Variants in CHRNB3 observed in about 807,000 individuals in gnomAD.
The protein encoded by CHRNB3 is cholinergic receptor nicotinic beta 3 subunit, also known as neuronal acetylcholine receptor subunit beta-3.
A neutral mutation model predicts 40.6 loss-of-function variants in CHRNB3; 37 were observed. That is an observed-to-expected ratio of 0.91 (90% CI 0.70 to 1.20). The LOEUF (loss-of-function observed/expected upper bound fraction) is 1.20, where lower values mean the gene tolerates loss of function less well. CHRNB3 is among the 50% of genes most tolerant of loss of function. The pLI, the probability that CHRNB3 is intolerant of heterozygous loss-of-function variation, is 0.00. For synonymous variants in CHRNB3, 207 were observed against 207.1 expected (o/e 1.00, Z 0.00); for missense variants, 505 against 551.2 (o/e 0.92, Z 0.84).
rs76545213 is a variant in CHRNB3 at position 42,732,410 on chromosome 8, T to A, written c.1103T>A (p.Val368Glu). 62 of 1,613,840 alleles carry A rather than the reference T, an allele frequency of 3.8e-5. 1 individual carries two copies. The Admixed American group carries it at 4.8e-4, about 13-fold the overall frequency. The change falls in exon 5 of 6, where the codon GTG (valine) becomes GAG (glutamate). Residue 368 changes from valine to glutamate, a missense_variant. Transcript: ENST00000289957. Reference sequence around the variant, plus strand: ...GAGAAAGAGGAGAGTCAACCAGTAGTGAAAGGCAAAGTCCTCGAAAAAAAG... The same window carrying A: ...GAGAAAGAGGAGAGTCAACCAGTAGAGAAAGGCAAAGTCCTCGAAAAAAAG... Reference protein sequence around the residue: ...SPEKEESQPVVKGKVLEKKKQ... With the variant: ...SPEKEESQPVEKGKVLEKKKQ...
intron 3 of CHRNB3, among the ~76,000 whole-genome samples, chr8:42,715,897 G>C (rs115367020): frequency 0.014 from 2,156 of 151,680 alleles, 57 homozygotes; most frequent in African/African-American, 0.049. Context: ...TACTGCTCCA[G>C]TCCCTCAGAT....
At chr8:42,708,358 C>T (rs1223180125) in intron 1 of CHRNB3, among the ~76,000 whole-genome samples, 2 of 151,978 alleles carry the variant, frequency 1.3e-5, no homozygotes, top group South Asian at 2.1e-4. Context: ...CCCAGGTACT[C>T]GAGAGGCTGA....
In CHRNB3 at chr8:42,711,025, T is replaced by C. The variant is rs1224947570; in HGVS notation, c.249+591T>C. 3.3e-5 allele frequency among the ~76,000 whole-genome samples: 5 copies of C among 152,356 alleles called. No individual in the cohort carries two copies. The East Asian group carries it at 7.7e-4, about 24-fold the overall frequency. ...GTTTTCAGCTTTCTTCTTAGATAAT[T>C]GCTTTTAGCTTGGCTAGAGCTTATT... is the stretch of plus-strand genomic sequence containing the variant. On this transcript the variant is annotated intron_variant, in intron 3 of 5. Coordinates refer to ENST00000289957, the MANE Select transcript of CHRNB3 (RefSeq NM_000749.5).
chr8:42,698,989 G>A (rs1345776736), intron 1 of CHRNB3, among the ~76,000 whole-genome samples: 4 of 152,196 alleles, frequency 2.6e-5, no homozygotes, highest in Admixed American at 2.0e-4. Flanking sequence ...TGGGAAGATT[G>A]TGTAATCTTT....
At position 42,703,435 on chromosome 8, in the gene CHRNB3, A is replaced by AAAAAAAAAAATATATATATAT; in HGVS notation, c.53-5281_53-5280insAAAAAAAAATATATATATATA. Among the ~76,000 whole-genome samples, 141 of 47,342 alleles carry AAAAAAAAAAATATATATATAT rather than the reference A, an allele frequency of 3.0e-3. 29 individuals carry two copies. Among genetic ancestry groups the AAAAAAAAAAATATATATATAT allele is most frequent in the South Asian group, 5.3e-3 (6 of 1,134 alleles). 31.1% of individuals were successfully genotyped at this position (47,342 alleles called of 152,430 possible). The stretch of plus-strand genomic sequence containing the variant: ...CAAGACTTCGTCTAAAAAAAAAAAA[A>AAAAAAAAAAATATATATATAT]ATATTTATATATATATATATATATA... On this transcript the variant is annotated intron_variant, in intron 1 of 5. Coordinates refer to ENST00000289957, the MANE Select transcript of CHRNB3 (RefSeq NM_000749.5).
rs1030096140 is a variant in CHRNB3 at position 42,731,081 on chromosome 8, TAAATAAATAAA to T, written c.359+386_359+396del. On this transcript the variant is annotated intron_variant, in intron 4 of 5. Transcript: ENST00000289957. ...AAAAATAAATAAATAAATAAATAAATAAATAAATAAAAAATAAAAAGTGAAAAAAAGGAAAG... is the reference window on the plus strand; with the variant it reads ...AAAAATAAATAAATAAATAAATAAATAAATAAAAAGTGAAAAAAAGGAAAG... 1.5e-5 allele frequency among the ~76,000 whole-genome samples: 2 copies of T among 130,818 alleles called. 1 individual carries two copies. The highest frequency in any genetic ancestry group is 6.2e-5 in the African/African-American group (2 of 32,398). The allele number at this position is 130,818 out of a possible 152,430, so 85.8% of individuals were successfully genotyped here.
intron 3 of CHRNB3, among the ~76,000 whole-genome samples, chr8:42,724,506 C>G (rs1816272037): frequency 6.6e-6 from 1 of 152,110 alleles, no homozygotes; most frequent in African/African-American, 2.4e-5. Flanking sequence ...CCAGGAATCT[C>G]CAGATTCAAT....
intron 3 of CHRNB3, among the ~76,000 whole-genome samples, chr8:42,719,691 C>CT (rs1441980596): frequency 6.6e-6 from 1 of 152,102 alleles, no homozygotes; most frequent in Non-Finnish European, 1.5e-5. Context: ...ATGGGAATCT[C>CT]AGGGAGAACG....
intron 3 of CHRNB3, among the ~76,000 whole-genome samples, chr8:42,712,286 C>A (rs1018823615): frequency 5.3e-5 from 8 of 152,190 alleles, no homozygotes; most frequent in African/African-American, 1.9e-4. Flanking sequence ...AGCCACCGCA[C>A]CCACCCTAAG....
intron 1 of CHRNB3, among the ~76,000 whole-genome samples, chr8:42,699,882 CTTTT>C (rs576300946): frequency 6.8e-5 from 8 of 117,548 alleles, no homozygotes; most frequent in Admixed American, 8.6e-5. Flanking sequence ...TTGTGGTATG[CTTTT>C]TTTTTTTTTT....
At chr8:42,729,602 A>T (rs76483384) in intron 3 of CHRNB3, among the ~76,000 whole-genome samples, 2,154 of 152,050 alleles carry the variant, frequency 0.014, 52 homozygotes, top group African/African-American at 0.049. Flanking sequence ...TCAGTATTTT[A>T]CCATCTAGTG....
chr8:42,703,267 T>A (rs186543804), intron 1 of CHRNB3, among the ~76,000 whole-genome samples: 14 of 150,856 alleles, frequency 9.3e-5, no homozygotes, highest in African/African-American at 3.4e-4. Context: ...CTACTAAAAA[T>A]ACAAAAATTA....
intron 1 of CHRNB3, among the ~76,000 whole-genome samples, chr8:42,706,855 G>A (rs1815930604): frequency 6.6e-6 from 1 of 152,084 alleles, no homozygotes; most frequent in Non-Finnish European, 1.5e-5. Context: ...TGACTTCCGG[G>A]ACTCAAGCCA....
chr8:42,704,009 A>G (rs1815874835), intron 1 of CHRNB3, among the ~76,000 whole-genome samples: 1 of 152,224 alleles, frequency 6.6e-6, no homozygotes, highest in Non-Finnish European at 1.5e-5. Flanking sequence ...TAGGGGGATA[A>G]AGTCTGTTTT....
rs1206090821 is a variant in CHRNB3, at chr8:42,708,477, A to ACACG, written c.53-237_53-236insGCAC. On this transcript the variant is annotated intron_variant, in intron 1 of 5. Coordinates refer to ENST00000289957, the MANE Select transcript of CHRNB3 (RefSeq NM_000749.5). Reference sequence around the variant, plus strand: ...TGAGACTCTGTCTCAAAAAAAATACACACACACACACACACACACAAACAA... The same window carrying ACACG: ...TGAGACTCTGTCTCAAAAAAAATACACACGCACACACACACACACACACAAACAA... 1.8e-3 allele frequency among the ~76,000 whole-genome samples: 273 copies of ACACG among 149,104 alleles called. 1 individual carries two copies. Among genetic ancestry groups the ACACG allele is most frequent in the African/African-American group, 6.3e-3 (260 of 41,042 alleles).
intron 3 of CHRNB3, among the ~76,000 whole-genome samples, chr8:42,714,578 C>G (rs1269955715): frequency 1.3e-5 from 2 of 150,960 alleles, no homozygotes; most frequent in Non-Finnish European, 3.0e-5. Context: ...AAAAGAAAAC[C>G]AAGATAAAAC....
chr8:42,702,555 G>A (rs1475183294), intron 1 of CHRNB3, among the ~76,000 whole-genome samples: 2 of 152,170 alleles, frequency 1.3e-5, no homozygotes, highest in African/African-American at 4.8e-5. Context: ...ACCAGGTCCA[G>A]AGATCGAGAC....
intron 1 of CHRNB3, among the ~76,000 whole-genome samples, chr8:42,698,267 G>A (rs1815712429): frequency 6.6e-6 from 1 of 152,158 alleles, no homozygotes; most frequent in Non-Finnish European, 1.5e-5. Flanking sequence ...GAAAGGCTTT[G>A]GGGATTGGTC....
chr8:42,727,373 GAAA>G (rs758556619), intron 3 of CHRNB3, among the ~76,000 whole-genome samples: 3 of 85,114 alleles, frequency 3.5e-5, no homozygotes, highest in Non-Finnish European at 7.2e-5. Flanking sequence ...ACTCTGTCTC[GAAA>G]AAAAAAAAAA....
Sources: allele counts gnomAD v4.1 joint callset (sites outside exome capture counted in the v4.1 genomes callset), GRCh38; gene constraint gnomAD v4.1.1; transcripts MANE v1.5; gene names NCBI Gene and HGNC (gene_info 2026-07-23, HGNC 2026-07-21).